The following NECAB2 variants were observed in gnomAD, a reference collection of about 807,000 sequenced individuals.
The protein encoded by NECAB2 is N-terminal EF-hand calcium-binding protein 2.
In NECAB2, 68 loss-of-function variants were observed where a neutral mutation model predicts 51.9. The ratio of observed to expected loss-of-function variants is 1.31; its 90% CI spans 1.08 to 1.60. NECAB2 has a LOEUF of 1.60. NECAB2 is among the 40% of genes most tolerant of loss of function. NECAB2 has a pLI of 0.00. For missense variants in NECAB2, 854 were observed against 490.3 expected (o/e 1.74, Z -7.00); for synonymous variants, 329 against 203.5 (o/e 1.62, Z -5.25).
chr16:83,994,259 A>G, intron 6 of NECAB2, 43 bp from the exon 7 acceptor site: 2 of 1,591,108 alleles, frequency 1.3e-6, no homozygotes, highest in Non-Finnish European at 1.7e-6. Flanking sequence ...AAGGGCCCTG[A>G]AGCCACCGCC....
In NECAB2 at chr16:83,968,278, T is replaced by C. The variant is rs1200142386; in HGVS notation, c.-371T>C. Reference sequence around the variant, plus strand: ...GCGCCGCGAGTGGGAGGGGGGACTTTAGAAGCGGGGAGAGCAGGAGACTTT... The same window carrying C: ...GCGCCGCGAGTGGGAGGGGGGACTTCAGAAGCGGGGAGAGCAGGAGACTTT... On this transcript the variant is annotated 5_prime_UTR_variant, in exon 1 of 13. Coordinates refer to ENST00000305202, the MANE Select transcript of NECAB2 (RefSeq NM_019065.3). Among the ~76,000 whole-genome samples the C allele has an allele frequency of 1.3e-5, 2 of 150,930 alleles. No individual in the cohort carries two copies. The highest frequency in any genetic ancestry group is 3.0e-5 in the Non-Finnish European group (2 of 67,592).
intron 3 of NECAB2, among the ~76,000 whole-genome samples, chr16:83,978,777 G>T (rs2084448985): frequency 6.6e-6 from 1 of 152,028 alleles, no homozygotes; most frequent in African/African-American, 2.4e-5. Context: ...AGTGCACATG[G>T]CCAACTAAGG....
At chr16:83,971,788 C>T (rs543196255) in intron 1 of NECAB2, 14 of 404,062 alleles carry the variant, frequency 3.5e-5, no homozygotes, top group African/African-American at 8.2e-5. Flanking sequence ...GACACTGATT[C>T]GGAGTGTGGT....
intron 10 of NECAB2, among the ~76,000 whole-genome samples, chr16:83,999,240 G>T (rs1043991748): frequency 2.0e-5 from 3 of 151,586 alleles, no homozygotes; most frequent in Non-Finnish European, 2.9e-5. Flanking sequence ...GTGGCCACGA[G>T]GGGCCATTCT....
At chr16:83,979,360 G>A (rs1597203240) in intron 3 of NECAB2, among the ~76,000 whole-genome samples, 1 of 152,196 alleles carries the variant, frequency 6.6e-6, no homozygotes, top group Non-Finnish European at 1.5e-5. Flanking sequence ...AGATGGTCTG[G>A]ACAAGGAGCT....
intron 10 of NECAB2, among the ~76,000 whole-genome samples, chr16:84,000,464 C>A (rs947349031): frequency 2.0e-5 from 3 of 152,176 alleles, no homozygotes; most frequent in East Asian, 1.9e-4. Flanking sequence ...GCCTGGGCAA[C>A]AGAGTGAGAC....
chr16:83,979,524 T>A (rs1253817912), intron 3 of NECAB2, among the ~76,000 whole-genome samples: 1 of 152,148 alleles, frequency 6.6e-6, no homozygotes. Context: ...AGAAATGGCT[T>A]CAGGCTCCAG....
upstream of NECAB2, chr16:83,966,067 C>CA: frequency 7.6e-7 from 1 of 1,313,236 alleles, no homozygotes; most frequent in Non-Finnish European, 1.0e-6. Context: ...CACATCCCTG[C>CA]TGGATGCAGG....
intron 3 of NECAB2, among the ~76,000 whole-genome samples, chr16:83,979,228 C>T (rs1372924961): frequency 6.6e-6 from 1 of 152,212 alleles, no homozygotes; most frequent in African/African-American, 2.4e-5. Context: ...ACCCCACCTT[C>T]AGGAGGGATC....
At chr16:83,983,900 G>T (rs1403269717) in intron 5 of NECAB2, among the ~76,000 whole-genome samples, 5 of 152,092 alleles carry the variant, frequency 3.3e-5, no homozygotes, top group African/African-American at 4.8e-5. Flanking sequence ...GTGTTAAACA[G>T]GGGAGGGGAT....
chr16:83,979,866 G>C (rs2084461899), intron 3 of NECAB2, among the ~76,000 whole-genome samples: 1 of 152,092 alleles, frequency 6.6e-6, no homozygotes, highest in Non-Finnish European at 1.5e-5. Flanking sequence ...TAGCCCCTTG[G>C]GATGCTAAAT....
At chr16:83,997,094 C>T (rs57112340) in intron 8 of NECAB2, 122 bp from the exon 9 acceptor site, 5 of 1,105,904 alleles carry the variant, frequency 4.5e-6, no homozygotes, top group South Asian at 2.7e-5. Flanking sequence ...GGTCTCCCAG[C>T]CCTGTGCAAC....
At chr16:83,997,160 C>G in intron 8 of NECAB2, 56 bp from the exon 9 acceptor site, 2 of 1,610,202 alleles carry the variant, frequency 1.2e-6, no homozygotes, top group Non-Finnish European at 8.5e-7. Context: ...GCTCCTGGCT[C>G]CCCGGGGCGG....
intron 8 of NECAB2, 77 bp downstream of exon 8, chr16:83,994,765 C>G (rs1463968323): frequency 6.6e-7 from 1 of 1,526,128 alleles, no homozygotes. Context: ...GAGTTCAGGA[C>G]AAAAGTCTGG....
chr16:83,966,343 C>T (rs2084280401), upstream of NECAB2: 14 of 351,784 alleles, frequency 4.0e-5, 1 homozygote, highest in East Asian at 6.4e-4. Flanking sequence ...TCTCATGCGT[C>T]TGAGGACTCT....
chr16:83,994,318 C>A lies in NECAB2; in HGVS notation c.613C>A (p.Pro205Thr). The A allele has an allele frequency of 6.2e-7, 1 of 1,614,198 alleles. No individual in the cohort carries two copies. Among genetic ancestry groups the A allele is most frequent in the Non-Finnish European group, 8.5e-7 (1 of 1,180,042 alleles). Residue 205 changes from proline (P) to threonine (T), a missense_variant, in exon 7 of 13, where the codon CCC (proline) becomes ACC (threonine). By Grantham distance (38) the Pro-to-Thr change is conservative. Transcript: ENST00000305202. Reference sequence around the variant, plus strand: ...AAACTGCAGACAGAACCACATCAAACCCAGCCACAGCGCGGCACAGACCTG... The same window carrying A: ...AAACTGCAGACAGAACCACATCAAAACCAGCCACAGCGCGGCACAGACCTG... ...TSQLRQNHIKPSHSAAQTWCG... is the reference protein window; with the variant it reads ...TSQLRQNHIKTSHSAAQTWCG...
intron 6 of NECAB2, 88 bp from the exon 7 acceptor site, chr16:83,994,214 C>T (rs1055006625): frequency 1.9e-5 from 23 of 1,181,160 alleles, no homozygotes; most frequent in Middle Eastern, 1.9e-4. Flanking sequence ...CACTGTCTTG[C>T]GTAATAAATG....
upstream of NECAB2, among the ~76,000 whole-genome samples, chr16:83,966,667 T>G (rs2084284019): frequency 6.6e-6 from 1 of 152,194 alleles, no homozygotes; most frequent in African/African-American, 2.4e-5. Context: ...TCCCTCCTGC[T>G]GGCCAGGTCT....
At chr16:84,000,281 G>A (rs1177515319) in intron 10 of NECAB2, among the ~76,000 whole-genome samples, 1 of 150,526 alleles carries the variant, frequency 6.6e-6, no homozygotes, top group Non-Finnish European at 1.5e-5. Flanking sequence ...TGCAATCCTG[G>A]CACTTTGGGA....
Sources: allele counts gnomAD v4.1 joint callset (sites outside exome capture counted in the v4.1 genomes callset), GRCh38; gene constraint gnomAD v4.1.1; transcripts MANE v1.5; gene names NCBI Gene and HGNC (gene_info 2026-07-23, HGNC 2026-07-21).